Variants in STOX2 observed in about 807,000 individuals in gnomAD.
STOX2 encodes storkhead-box protein 2.
A neutral mutation model predicts 60.9 loss-of-function variants in STOX2; 28 were observed. The observed-to-expected ratio is 0.46, with a 90% CI of 0.34 to 0.63. The LOEUF (loss-of-function observed/expected upper bound fraction) is 0.63. STOX2 is among the 30% of genes least tolerant of loss of function. The pLI is 0.01. For missense variants in STOX2, 1,024 were observed against 1,187.7 expected, an observed-to-expected ratio of 0.86 and a Z score of 2.03; for synonymous variants, 472 against 463.9, an observed-to-expected ratio of 1.02 and a Z score of -0.22.
chr4:183,831,049 A>T (rs573399935), intron 1 of STOX2, among the ~76,000 whole-genome samples: 1 of 151,884 alleles, frequency 6.6e-6, no homozygotes, highest in African/African-American at 2.4e-5. Context: ...GCCAAGCACT[A>T]CATGGGACCG....
chr4:183,882,853 C>T (rs1487701534), intron 1 of STOX2, among the ~76,000 whole-genome samples: 2 of 152,216 alleles, frequency 1.3e-5, no homozygotes, highest in Admixed American at 6.5e-5. Context: ...ACTGCAATTT[C>T]CCACCTCTTG....
chr4:183,810,706 G>T (rs191472518), intron 1 of STOX2, among the ~76,000 whole-genome samples: 2 of 152,148 alleles, frequency 1.3e-5, no homozygotes, highest in East Asian at 3.9e-4. Flanking sequence ...TGGATGAATT[G>T]CCTGCACCCT....
intron 2 of STOX2, among the ~76,000 whole-genome samples, chr4:184,003,338 C>T (rs1733676796): frequency 6.6e-6 from 1 of 152,198 alleles, no homozygotes; most frequent in Non-Finnish European, 1.5e-5. Flanking sequence ...TAGTAAAATG[C>T]TCCTCACTGC....
At chr4:183,980,865 T>A (rs1732636370) in intron 1 of STOX2, among the ~76,000 whole-genome samples, 1 of 152,144 alleles carries the variant, frequency 6.6e-6, no homozygotes, top group African/African-American at 2.4e-5. Context: ...CCCAATTCCA[T>A]CTTGCAGGGA....
chr4:183,919,200 T>C (rs1222313939), intron 1 of STOX2, among the ~76,000 whole-genome samples: 2 of 152,198 alleles, frequency 1.3e-5, no homozygotes, highest in Non-Finnish European at 2.9e-5. Flanking sequence ...ATGTGGGTGA[T>C]TTAAACACAT....
rs1208152563 is a variant in STOX2 at position 183,958,654 on chromosome 4, A to G, written c.167-42671A>G. On this transcript the variant is annotated intron_variant, in intron 1 of 3. Coordinates refer to ENST00000308497, the MANE Select transcript of STOX2 (RefSeq NM_020225.3). Reference sequence around the variant, plus strand: ...TTTGCAGTCTGCCATGTTTAACTGAAAAGCCCATCTTAGATCTTCCGTCTG... The same window carrying G: ...TTTGCAGTCTGCCATGTTTAACTGAGAAGCCCATCTTAGATCTTCCGTCTG... 7.2e-5 allele frequency among the ~76,000 whole-genome samples: 11 copies of G among 152,186 alleles called. 1 individual carries two copies. Among genetic ancestry groups the G allele is most frequent in the Admixed American group, 7.2e-4 (11 of 15,270 alleles).
intron 1 of STOX2, among the ~76,000 whole-genome samples, chr4:183,859,977 G>A (rs148182113): frequency 8.5e-5 from 13 of 152,268 alleles, no homozygotes; most frequent in Admixed American, 3.3e-4. Context: ...TAGAATGTGT[G>A]TGTGTGTATG....
intron 1 of STOX2, among the ~76,000 whole-genome samples, chr4:183,927,237 C>G (rs921055236): frequency 1.3e-5 from 2 of 152,198 alleles, no homozygotes; most frequent in Non-Finnish European, 2.9e-5. Context: ...ACAGGCTCTG[C>G]ACGGAACCAG....
At chr4:183,952,424 A>G (rs75487709) in intron 1 of STOX2, among the ~76,000 whole-genome samples, 186 of 152,400 alleles carry the variant, frequency 1.2e-3, no homozygotes, top group African/African-American at 4.3e-3. Flanking sequence ...GGAAGTATAT[A>G]CAGATCTCAC....
chr4:183,823,747 C>G (rs1739358233), intron 1 of STOX2, among the ~76,000 whole-genome samples: 2 of 152,228 alleles, frequency 1.3e-5, no homozygotes, highest in African/African-American at 4.8e-5. Flanking sequence ...TGAAAACTTA[C>G]CTGATGAGCA....
At chr4:183,847,398 A>G (rs1192291565) in intron 1 of STOX2, among the ~76,000 whole-genome samples, 1 of 152,166 alleles carries the variant, frequency 6.6e-6, no homozygotes, top group Non-Finnish European at 1.5e-5. Context: ...CCCAGGTGTC[A>G]GCAACTAAGT....
At chr4:183,834,994 A>T (rs1739667869) in intron 1 of STOX2, among the ~76,000 whole-genome samples, 1 of 152,050 alleles carries the variant, frequency 6.6e-6, no homozygotes, top group South Asian at 2.1e-4. Context: ...CACAGAGCAG[A>T]AGATCTTTAG....
chr4:183,919,437 C>T (rs181819276), intron 1 of STOX2, among the ~76,000 whole-genome samples: 72 of 152,164 alleles, frequency 4.7e-4, no homozygotes, highest in Admixed American at 3.9e-3. Flanking sequence ...CAGGCCCCGC[C>T]GGGAGGTGTC....
At chr4:183,988,635 C>T (rs1732952289) in intron 1 of STOX2, 1 of 152,558 alleles carries the variant, frequency 6.6e-6, no homozygotes, top group Non-Finnish European at 1.5e-5. Flanking sequence ...CCCTCAGTAG[C>T]CAATCTGAAA....
At chr4:183,814,343 A>G (rs772982174) in intron 1 of STOX2, among the ~76,000 whole-genome samples, 1 of 152,262 alleles carries the variant, frequency 6.6e-6, no homozygotes, top group Non-Finnish European at 1.5e-5. Context: ...ATGGGAAAGA[A>G]TAACAATAAT....
chr4:183,912,091 C>T (rs973764883), intron 1 of STOX2, among the ~76,000 whole-genome samples: 1 of 152,130 alleles, frequency 6.6e-6, no homozygotes, highest in Non-Finnish European at 1.5e-5. Context: ...TTGTTCCTCC[C>T]ACTTAAATAT....
At chr4:183,895,131 G>A (rs1741312473) in intron 1 of STOX2, among the ~76,000 whole-genome samples, 1 of 152,150 alleles carries the variant, frequency 6.6e-6, no homozygotes, top group Non-Finnish European at 1.5e-5. Flanking sequence ...GGTTCCTCAA[G>A]CTCTGTGGGC....
chr4:183,997,883 CACTT>C (rs2111218894), intron 1 of STOX2, among the ~76,000 whole-genome samples: 1 of 152,230 alleles, frequency 6.6e-6, no homozygotes, highest in South Asian at 2.1e-4. Flanking sequence ...CATTCAGACA[CACTT>C]AAAGCATGCT....
chr4:183,818,909 A>G (rs1412763878), intron 1 of STOX2, among the ~76,000 whole-genome samples: 3 of 144,382 alleles, frequency 2.1e-5, no homozygotes, highest in African/African-American at 7.9e-5. Context: ...CCTAGATGGG[A>G]TGGCGGCCGG....
Sources: allele counts gnomAD v4.1 joint callset (sites outside exome capture counted in the v4.1 genomes callset), GRCh38; gene constraint gnomAD v4.1.1; transcripts MANE v1.5; gene names NCBI Gene and HGNC (gene_info 2026-07-23, HGNC 2026-07-21).